EEPD1: variants seen among roughly 807,000 people sequenced by gnomAD.
EEPD1 encodes the protein endonuclease/exonuclease/phosphatase family domain containing 1.
A neutral mutation model predicts 46.3 loss-of-function variants in EEPD1; 17 were observed. That is an observed-to-expected ratio of 0.37 (90% CI 0.25 to 0.55). The LOEUF is 0.55. Among genes scored for constraint, EEPD1 ranks in the 20% least tolerant of loss-of-function variants. EEPD1 has a pLI of 0.83. For synonymous variants in EEPD1, 313 were observed against 315.6 expected (o/e 0.99, Z 0.09); for missense variants, 673 against 745.6 (o/e 0.90, Z 1.13).
chr7:36,228,205 T>C (rs900761442), intron 2 of EEPD1, among the ~76,000 whole-genome samples: 1 of 152,170 alleles, frequency 6.6e-6, no homozygotes. Context: ...CTGACTTTCA[T>C]GAAATTCCTT....
intron 3 of EEPD1, among the ~76,000 whole-genome samples, chr7:36,278,509 TG>T (rs11464758): frequency 2.3e-4 from 10 of 43,126 alleles, no homozygotes; most frequent in Non-Finnish European, 3.7e-4. Flanking sequence ...GGGGGGGCGG[TG>T]GGGGGGGCGC....
chr7:36,169,832 C>T (rs777336290), intron 2 of EEPD1, among the ~76,000 whole-genome samples: 5 of 152,196 alleles, frequency 3.3e-5, no homozygotes, highest in Non-Finnish European at 7.3e-5. Context: ...TAAACAATGT[C>T]CTGGAGAAGT....
chr7:36,223,382 A>G (rs556453021), intron 2 of EEPD1, among the ~76,000 whole-genome samples: 4 of 151,990 alleles, frequency 2.6e-5, no homozygotes, highest in Non-Finnish European at 5.9e-5. Context: ...GGAGTATGTA[A>G]GACACCACAG....
intron 6 of EEPD1, among the ~76,000 whole-genome samples, chr7:36,294,943 C>T (rs933402856): frequency 1.3e-5 from 2 of 152,044 alleles, no homozygotes; most frequent in Middle Eastern, 3.4e-3. Flanking sequence ...TTTGGGAAGC[C>T]GAAGTGAGCG....
chr7:36,207,890 T>G (rs1785850181), intron 2 of EEPD1, among the ~76,000 whole-genome samples: 1 of 26,686 alleles, frequency 3.7e-5, no homozygotes, highest in African/African-American at 3.5e-4. Flanking sequence ...GTGCAGGAGT[T>G]TTTTTTTTTT....
intron 2 of EEPD1, among the ~76,000 whole-genome samples, chr7:36,167,577 C>T (rs1280203146): frequency 6.6e-6 from 1 of 152,094 alleles, no homozygotes; most frequent in East Asian, 1.9e-4. Context: ...GCCACCCCCA[C>T]GCAGCAGCCT....
intron 3 of EEPD1, among the ~76,000 whole-genome samples, chr7:36,269,030 G>A (rs1410564084): frequency 6.6e-6 from 1 of 152,210 alleles, no homozygotes; most frequent in Non-Finnish European, 1.5e-5. Flanking sequence ...AGAGAAATCT[G>A]AGTGATGGCA....
rs1332007294 is a variant in EEPD1 at position 36,193,937 on chromosome 7, T to C, written c.878+38735T>C. ...ATCTTGAGAGTTCAGGAGCCTCTTA[T>C]CCCCATTTGCATCCTCAGAGCCCTG... On this transcript the variant is annotated intron_variant, in intron 2 of 7. Transcript: ENST00000242108. The surrounding 1 kb of genome is among the most constrained non-coding windows in gnomAD (Gnocchi z 4.9). Among the ~76,000 whole-genome samples the C allele has an allele frequency of 6.6e-6, 1 of 152,154 alleles. No individual in the cohort carries two copies. The highest frequency in any genetic ancestry group is 2.4e-5 in the African/African-American group (1 of 41,426).
intron 3 of EEPD1, among the ~76,000 whole-genome samples, chr7:36,279,187 G>T (rs1234777846): frequency 6.7e-6 from 1 of 148,656 alleles, no homozygotes; most frequent in Non-Finnish European, 1.5e-5. Flanking sequence ...TGAGTTTTCT[G>T]CTTCACCAGC....
intron 3 of EEPD1, among the ~76,000 whole-genome samples, chr7:36,268,481 G>A (rs1787057465): frequency 6.6e-6 from 1 of 152,094 alleles, no homozygotes; most frequent in South Asian, 2.1e-4. Context: ...TTTGTCGAAT[G>A]ATCAGATGAG....
intron 3 of EEPD1, among the ~76,000 whole-genome samples, chr7:36,258,210 G>A (rs568178497): frequency 3.3e-5 from 5 of 152,304 alleles, no homozygotes; most frequent in South Asian, 2.1e-4. Context: ...CTTCTTCCCA[G>A]AGGGGCACCC....
intron 2 of EEPD1, among the ~76,000 whole-genome samples, chr7:36,183,178 C>T (rs992237186): frequency 6.6e-6 from 1 of 152,214 alleles, no homozygotes; most frequent in Non-Finnish European, 1.5e-5. Flanking sequence ...GTGTAGTGTT[C>T]CTGAGTGTCT....
chr7:36,181,873 G>A (rs62445394), intron 2 of EEPD1, among the ~76,000 whole-genome samples: 7,117 of 152,206 alleles, frequency 0.047, 207 homozygotes, highest in East Asian at 0.12. Flanking sequence ...AGGAGAGAGG[G>A]CAGCATGACA....
intron 3 of EEPD1, among the ~76,000 whole-genome samples, chr7:36,254,077 TTAAC>T (rs1207354052): frequency 6.6e-6 from 1 of 152,226 alleles, no homozygotes; most frequent in Non-Finnish European, 1.5e-5. Context: ...TTAATAATTT[TTAAC>T]TATACTTTCT....
chr7:36,214,924 G>A (rs1020288484), intron 2 of EEPD1, among the ~76,000 whole-genome samples: 10 of 152,168 alleles, frequency 6.6e-5, no homozygotes, highest in African/African-American at 9.7e-5. Context: ...TCGGTATTAC[G>A]GGGTCAGCAG....
Position 36,154,198 on chromosome 7 carries a change from C to A in EEPD1, c.-127C>A. The A allele has an allele frequency of 8.3e-7, 1 of 1,200,022 alleles. No homozygotes were observed. 74.3% of individuals were successfully genotyped at this position (1,200,022 alleles called of 1,614,324 possible). On this transcript the variant is annotated 5_prime_UTR_variant, in exon 2 of 8. Coordinates refer to ENST00000242108, the MANE Select transcript of EEPD1 (RefSeq NM_030636.3). This position sits in a 1 kb window ranked among gnomAD's most constrained non-coding sequence, Gnocchi z 4.2. Reference sequence around the variant, plus strand: ...AAGATTCGGTGTTTGTCTATAGTAACCTCTTCAGTCCCTGAATCCTGCACC... The same window carrying A: ...AAGATTCGGTGTTTGTCTATAGTAAACTCTTCAGTCCCTGAATCCTGCACC...
intron 3 of EEPD1, among the ~76,000 whole-genome samples, chr7:36,278,195 C>T (rs1787210320): frequency 6.6e-6 from 1 of 152,128 alleles, no homozygotes; most frequent in Non-Finnish European, 1.5e-5. Flanking sequence ...CCACCAGCCA[C>T]GAGCATGGGA....
intron 2 of EEPD1, among the ~76,000 whole-genome samples, chr7:36,183,089 C>T (rs547520430): frequency 4.6e-5 from 7 of 152,192 alleles, no homozygotes; most frequent in African/African-American, 1.4e-4. Flanking sequence ...AGGGCGGCCT[C>T]ATCCCTAAGC....
intron 2 of EEPD1, among the ~76,000 whole-genome samples, chr7:36,180,285 C>T (rs1367519790): frequency 6.6e-6 from 1 of 152,206 alleles, no homozygotes; most frequent in African/African-American, 2.4e-5. Context: ...CTCATTGGTA[C>T]CAGATGTCCC....
Sources: allele counts gnomAD v4.1 joint callset (sites outside exome capture counted in the v4.1 genomes callset), GRCh38; gene constraint gnomAD v4.1.1; non-coding constraint Gnocchi (gnomAD v3.1); transcripts MANE v1.5; gene names NCBI Gene and HGNC (gene_info 2026-07-23, HGNC 2026-07-21).